PTBP3: variants seen among roughly 807,000 people sequenced by gnomAD.
PTBP3 encodes the protein polypyrimidine tract binding protein 3.
PTBP3 carries 20 observed loss-of-function variants against 58.7 expected under a neutral mutation model. The observed-to-expected ratio is 0.34, with a 90% CI of 0.24 to 0.50. The LOEUF (loss-of-function observed/expected upper bound fraction) is 0.50, where lower values mean the gene tolerates loss of function less well. Ranked by LOEUF, PTBP3 falls within the 20% of genes least tolerant of loss-of-function variation. The probability of loss-of-function intolerance (pLI) is 0.98; values close to 1 mark genes in which losing one functional copy is unlikely to be tolerated. For missense variants in PTBP3, 509 were observed against 637.2 expected (o/e 0.80, Z 2.17); for synonymous variants, 185 against 219.8 (o/e 0.84, Z 1.40).
At chr9:112,339,665 G>T in the PTBP3 span, among the ~76,000 whole-genome samples, 8 of 151,334 alleles carry the variant, frequency 5.3e-5, no homozygotes, top group African/African-American at 1.9e-4. Context: ...CCAGGTTCAA[G>T]CGATTCTCCT....
intron 7 of PTBP3, among the ~76,000 whole-genome samples, chr9:112,240,225 T>C (rs1835601575): frequency 6.6e-6 from 1 of 152,158 alleles, no homozygotes; most frequent in South Asian, 2.1e-4. Flanking sequence ...AGTAAAATGA[T>C]TTGACTTAAT....
At chr9:112,256,934 C>G (rs1485514154) in intron 5 of PTBP3, among the ~76,000 whole-genome samples, 2 of 151,708 alleles carry the variant, frequency 1.3e-5, no homozygotes, top group Non-Finnish European at 2.9e-5. Context: ...AATAAATATT[C>G]TTGATGTAAA....
chr9:112,259,499 A>G (rs1422525972), intron 5 of PTBP3, among the ~76,000 whole-genome samples: 3 of 152,152 alleles, frequency 2.0e-5, no homozygotes, highest in Non-Finnish European at 4.4e-5. Flanking sequence ...GGCACCTTAC[A>G]TTGCTGTTCT....
chr9:112,245,691 T>C (rs988895004), intron 7 of PTBP3, among the ~76,000 whole-genome samples: 4 of 152,056 alleles, frequency 2.6e-5, no homozygotes, highest in African/African-American at 4.8e-5. Context: ...CAGTGCCAGG[T>C]TGGGTAAAGA....
At chr9:112,357,017 T>C in the PTBP3 span, among the ~76,000 whole-genome samples, 3 of 151,266 alleles carry the variant, frequency 2.0e-5, no homozygotes, top group Admixed American at 6.6e-5. Flanking sequence ...GTAACTGGGA[T>C]TATAGGCACC....
chr9:112,376,155 G>GGATATATATATATATATA, the PTBP3 span, among the ~76,000 whole-genome samples: 1 of 58,502 alleles, frequency 1.7e-5, no homozygotes, highest in African/African-American at 9.9e-5. Flanking sequence ...GTTCTCTAGA[G>GGATATATATATATATATA]GATATATATA....
intron 2 of PTBP3, among the ~76,000 whole-genome samples, chr9:112,289,225 AG>A (rs2132271963): frequency 6.6e-6 from 1 of 152,262 alleles, no homozygotes; most frequent in East Asian, 1.9e-4. Flanking sequence ...AATAACCTCC[AG>A]GATCATTTGC....
At position 112,221,847 on chromosome 9, in the gene PTBP3, A is replaced by G; in HGVS notation, c.*2004T>C. ...TATTTTTTGGTAAAATTTCTTCTGT[A>G]AAAACCTCCCTATGTTCAAATTAAT... On this transcript the variant is annotated 3_prime_UTR_variant, in exon 14 of 14. Transcript: ENST00000374257. 1.0e-6 allele frequency: 1 copy of G among 984,652 alleles called. No individual in the cohort carries two copies. Among genetic ancestry groups the G allele is most frequent in the Non-Finnish European group, 1.2e-6 (1 of 829,194 alleles). The allele number at this position is 984,652 out of a possible 1,614,324, so 61.0% of individuals were successfully genotyped here. A position where few individuals can be genotyped will look rare whatever the true frequency, so the allele number is the denominator to read the frequency against.
chr9:112,358,655 C>G, the PTBP3 span, among the ~76,000 whole-genome samples: 1 of 152,132 alleles, frequency 6.6e-6, no homozygotes, highest in East Asian at 1.9e-4. Flanking sequence ...ACTTAAATGT[C>G]TATCATAACA....
intron 2 of PTBP3, among the ~76,000 whole-genome samples, chr9:112,276,781 C>T (rs375884198): frequency 1.2e-4 from 18 of 152,180 alleles, no homozygotes; most frequent in African/African-American, 3.9e-4. Context: ...TATTTAAATC[C>T]TATTGTTTCA....
At chr9:112,372,383 A>G in the PTBP3 span, among the ~76,000 whole-genome samples, 1 of 152,186 alleles carries the variant, frequency 6.6e-6, no homozygotes, top group Non-Finnish European at 1.5e-5. Context: ...CTGGTTTTCC[A>G]TAAATTTTTT....
chr9:112,346,653 T>A, the PTBP3 span, among the ~76,000 whole-genome samples: 1 of 152,232 alleles, frequency 6.6e-6, no homozygotes, highest in African/African-American at 2.4e-5. Flanking sequence ...TATATGACTT[T>A]AGGATATAAA....
intron 13 of PTBP3, 37 bp from the exon 14 acceptor site, chr9:112,224,020 A>G (rs1834892130): frequency 6.3e-7 from 1 of 1,596,462 alleles, no homozygotes; most frequent in Non-Finnish European, 8.5e-7. Context: ...AGTATTTAGA[A>G]TGAATTTTGC....
At chr9:112,301,579 G>T (rs1405022280) in intron 1 of PTBP3, among the ~76,000 whole-genome samples, 1 of 152,174 alleles carries the variant, frequency 6.6e-6, no homozygotes, top group Non-Finnish European at 1.5e-5. Context: ...AAACAGATTA[G>T]TGGTTGCCAG....
At chr9:112,290,055 GA>G (rs1184297714) in intron 2 of PTBP3, among the ~76,000 whole-genome samples, 2 of 152,028 alleles carry the variant, frequency 1.3e-5, no homozygotes, top group Non-Finnish European at 2.9e-5. Flanking sequence ...GCCATTAAGG[GA>G]AAAACATGAA....
chr9:112,331,661 G>A (rs1830383773), intron 1 of PTBP3, among the ~76,000 whole-genome samples: 1 of 152,092 alleles, frequency 6.6e-6, no homozygotes, highest in African/African-American at 2.4e-5. Context: ...TGATACAAAG[G>A]GCAAATCATG....
At chr9:112,261,564 A>C (rs1836597244) in intron 5 of PTBP3, among the ~76,000 whole-genome samples, 2 of 152,228 alleles carry the variant, frequency 1.3e-5, no homozygotes, top group South Asian at 4.1e-4. Flanking sequence ...GAAAATAAGC[A>C]AGGGAAGTGT....
Position 112,285,427 on chromosome 9 carries a change from T to C in PTBP3, c.35-9414A>G, listed in dbSNP as rs139770461. On this transcript the variant is annotated intron_variant, in intron 2 of 13. Transcript: ENST00000374257. Reference sequence around the variant, plus strand: ...GCAGTGTGAGAAAGGACTAATACAATTGGTGACTACTTTATATAAACTTGA... The same window carrying C: ...GCAGTGTGAGAAAGGACTAATACAACTGGTGACTACTTTATATAAACTTGA... 1.9e-3 allele frequency among the ~76,000 whole-genome samples: 295 copies of C among 152,330 alleles called. 1 individual carries two copies. The highest frequency in any genetic ancestry group is 4.1e-3 in the Admixed American group (62 of 15,304).
At chr9:112,356,830 G>A in the PTBP3 span, among the ~76,000 whole-genome samples, 1 of 144,918 alleles carries the variant, frequency 6.9e-6, no homozygotes, top group East Asian at 2.0e-4. Flanking sequence ...ACACAATTTG[G>A]CCCCAACCAT....
Sources: gnomAD v4.1 joint callset for allele counts (sites outside exome capture counted in the v4.1 genomes callset) on GRCh38, gnomAD v4.1.1 for gene constraint, MANE v1.5 for transcripts, NCBI Gene and HGNC (gene_info 2026-07-23, HGNC 2026-07-21) for gene names.